Variants in CERS3 observed in about 807,000 individuals in gnomAD.
CERS3 encodes the protein LAG1 homolog, ceramide synthase 3.
A neutral mutation model predicts 50.3 loss-of-function variants in CERS3; 33 were observed. That is an observed-to-expected ratio of 0.66 (90% CI 0.50 to 0.88). The LOEUF (loss-of-function observed/expected upper bound fraction) is 0.88, where lower values mean the gene tolerates loss of function less well. Among genes scored for constraint, CERS3 ranks in the 40% least tolerant of loss-of-function variants. CERS3 has a pLI of 0.00. For missense variants in CERS3, 470 were observed against 460.3 expected, an observed-to-expected ratio of 1.02 and a Z score of -0.19; for synonymous variants, 176 against 155.2, an observed-to-expected ratio of 1.13 and a Z score of -0.99.
chr15:100,541,808 A>C (rs527917952), intron 1 of CERS3, among the ~76,000 whole-genome samples: 1 of 152,382 alleles, frequency 6.6e-6, no homozygotes, highest in South Asian at 2.1e-4. Context: ...TAAATAAATT[A>C]TAACGTTCAT....
intron 2 of CERS3, among the ~76,000 whole-genome samples, chr15:100,504,325 C>T (rs1271633514): frequency 6.8e-6 from 1 of 147,730 alleles, no homozygotes; most frequent in African/African-American, 2.5e-5. Flanking sequence ...CTCACTGAAA[C>T]CTCTGCCTTC....
intron 2 of CERS3, among the ~76,000 whole-genome samples, chr15:100,514,634 G>A (rs1234122541): frequency 6.6e-6 from 1 of 152,104 alleles, no homozygotes; most frequent in East Asian, 1.9e-4. Context: ...TCCAGCTAAT[G>A]TTAGAAATTA....
intron 11 of CERS3, among the ~76,000 whole-genome samples, chr15:100,425,686 A>G (rs2032768576): frequency 6.6e-6 from 1 of 152,210 alleles, no homozygotes; most frequent in Admixed American, 6.5e-5. Flanking sequence ...TTTTGAGTTA[A>G]TGCTAAAATG....
intron 10 of CERS3, among the ~76,000 whole-genome samples, chr15:100,464,968 T>G (rs2411373): frequency 1.3e-5 from 2 of 151,648 alleles, no homozygotes; most frequent in Non-Finnish European, 2.9e-5. Flanking sequence ...GGGAGACTCG[T>G]TAGGAGAGTA....
At chr15:100,440,634 G>A (rs1026356739) in intron 11 of CERS3, among the ~76,000 whole-genome samples, 1 of 152,146 alleles carries the variant, frequency 6.6e-6, no homozygotes, top group Non-Finnish European at 1.5e-5. Flanking sequence ...TGGAGGGGGG[G>A]AACCTCCCTT....
intron 4 of CERS3, 76 bp from the exon 5 acceptor site, chr15:100,484,744 G>T: frequency 9.5e-7 from 1 of 1,056,726 alleles, no homozygotes; most frequent in Non-Finnish European, 1.5e-6. Flanking sequence ...GACGGAGATT[G>T]AGTTACAAGA....
chr15:100,431,667 C>G (rs1256932123), intron 11 of CERS3, among the ~76,000 whole-genome samples: 1 of 152,166 alleles, frequency 6.6e-6, no homozygotes, highest in African/African-American at 2.4e-5. Context: ...AGCTGGTTTT[C>G]TCTGCTTAAT....
chr15:100,508,890 A>C (rs2036258652), intron 2 of CERS3, among the ~76,000 whole-genome samples: 3 of 152,184 alleles, frequency 2.0e-5, no homozygotes, highest in African/African-American at 7.2e-5. Flanking sequence ...TACTCATGTA[A>C]AAATATCAGA....
chr15:100,496,043 G>A (rs942269100), intron 3 of CERS3, among the ~76,000 whole-genome samples: 2 of 152,098 alleles, frequency 1.3e-5, no homozygotes, highest in Admixed American at 6.5e-5. Flanking sequence ...CTTGTGTCTG[G>A]CTTCTTTCAC....
intron 3 of CERS3, among the ~76,000 whole-genome samples, chr15:100,498,971 T>C (rs933279868): frequency 2.0e-5 from 3 of 152,242 alleles, no homozygotes; most frequent in African/African-American, 7.2e-5. Context: ...ATTTTAAGAC[T>C]ATTTCCATTT....
chr15:100,490,850 A>G lies in CERS3; in HGVS notation c.255T>C (p.Asn85=). 1 of 1,612,278 alleles carries G rather than the reference A, an allele frequency of 6.2e-7. No homozygotes were observed. The highest frequency in any genetic ancestry group is 8.5e-7 in the Non-Finnish European group (1 of 1,178,750). Residue 85 remains asparagine, a synonymous_variant, in exon 4 of 12, where the codon AAT becomes AAC. Transcript: ENST00000679737. The part of the protein sequence containing the change: ...RKVTPNTVLE[N]FFKHSTRQPL... ...GTTGCCTTGTGGAATGTTTGAAAAA[A>G]TTCTCTAAGACAGTATTTGGTGTAA... is the stretch of plus-strand genomic sequence containing the variant.
At chr15:100,405,257 AAC>A (rs1491549655) in intron 11 of CERS3, among the ~76,000 whole-genome samples, 6 of 147,768 alleles carry the variant, frequency 4.1e-5, no homozygotes, top group African/African-American at 1.2e-4. Context: ...AACAAAAAAA[AAC>A]CCCTAATTTA....
upstream of CERS3, among the ~76,000 whole-genome samples, chr15:100,532,953 G>A (rs967985150): frequency 4.6e-5 from 7 of 152,022 alleles, no homozygotes; most frequent in Admixed American, 6.5e-5. Flanking sequence ...TCTCCTCCCT[G>A]CCACAATGAT....
chr15:100,456,465 G>A (rs2034375253), intron 10 of CERS3, among the ~76,000 whole-genome samples: 1 of 152,214 alleles, frequency 6.6e-6, no homozygotes, highest in Non-Finnish European at 1.5e-5. Context: ...GGCATCAAAG[G>A]TGAATAGAGA....
Position 100,402,778 on chromosome 15 carries a change from C to T in CERS3, c.1087G>A (p.Asp363Asn), listed in dbSNP as rs747065202. The change falls in exon 12 of 12, where the codon GAT (aspartate) becomes AAT (asparagine). Residue 363 changes from aspartate (D) to asparagine (N), a missense_variant. Physicochemically the swap from Asp to Asn is conservative, Grantham distance 23 (BLOSUM62 1). Transcript: ENST00000679737. Reference sequence around the variant, plus strand: ...GCCCTGAGGCCGTTCTTTAAACAATCCATCTCTTTGCCTTTGGTAGCCTCT... The same window carrying T: ...GCCCTGAGGCCGTTCTTTAAACAATTCATCTCTTTGCCTTTGGTAGCCTCT... Reference protein sequence around the residue: ...EEEATKGKEMDCLKNGLRAER... With the variant: ...EEEATKGKEMNCLKNGLRAER... 6.2e-7 allele frequency: 1 copy of T among 1,614,204 alleles called. No homozygotes were observed. The highest frequency in any genetic ancestry group is 1.1e-5 in the South Asian group (1 of 91,082).
chr15:100,447,629 G>T (rs1362905711), intron 11 of CERS3, among the ~76,000 whole-genome samples: 1 of 152,178 alleles, frequency 6.6e-6, no homozygotes, highest in African/African-American at 2.4e-5. Flanking sequence ...GCAGAAATGC[G>T]ATCTTTTTCA....
At chr15:100,456,482 C>T (rs8041034) in intron 10 of CERS3, among the ~76,000 whole-genome samples, 1,877 of 152,318 alleles carry the variant, frequency 0.012, 39 homozygotes, top group African/African-American at 0.042. Context: ...GAGAATTCTA[C>T]AAAAGTACAT....
chr15:100,462,593 C>G (rs1532766), intron 10 of CERS3, among the ~76,000 whole-genome samples: 121,548 of 152,146 alleles, frequency 0.8, 49,641 homozygotes, highest in Non-Finnish European at 0.89. Context: ...CTTAACCCTA[C>G]TTTCAAATTT....
chr15:100,464,747 A>T (rs2034659901), intron 10 of CERS3, among the ~76,000 whole-genome samples: 1 of 152,216 alleles, frequency 6.6e-6, no homozygotes, highest in African/African-American at 2.4e-5. Flanking sequence ...AAAAACATCC[A>T]CCTGCGATTT....
Sources: gnomAD v4.1 joint callset for allele counts (sites outside exome capture counted in the v4.1 genomes callset) on GRCh38, gnomAD v4.1.1 for gene constraint, MANE v1.5 for transcripts, NCBI Gene and HGNC (gene_info 2026-07-23, HGNC 2026-07-21) for gene names.